GABRA5: variants seen among roughly 807,000 people sequenced by gnomAD.
GABRA5 encodes gamma-aminobutyric acid receptor subunit alpha-5.
GABRA5 carries 18 observed loss-of-function variants against 47.3 expected under a neutral mutation model. That is an observed-to-expected ratio of 0.38 (90% CI 0.26 to 0.56). The LOEUF is 0.56. Among genes scored for constraint, GABRA5 ranks in the 20% least tolerant of loss-of-function variants. The probability of loss-of-function intolerance (pLI) is 0.71; values close to 1 mark genes in which losing one functional copy is unlikely to be tolerated. For synonymous variants in GABRA5, 237 were observed against 229.3 expected, an observed-to-expected ratio of 1.03 and a Z score of -0.30; for missense variants, 365 against 599.3, an observed-to-expected ratio of 0.61 and a Z score of 4.08.
At chr15:26,872,426 C>T (rs1309691574) in intron 3 of GABRA5, among the ~76,000 whole-genome samples, 4 of 152,118 alleles carry the variant, frequency 2.6e-5, no homozygotes, top group Admixed American at 1.3e-4. Context: ...TTCTTGGGCT[C>T]CCTGACTTGA....
intron 8 of GABRA5, 149 bp downstream of exon 8, chr15:26,937,477 C>A: frequency 1.3e-6 from 1 of 799,814 alleles, no homozygotes; most frequent in Non-Finnish European, 1.9e-6. Context: ...GCTGTGCTCT[C>A]CATGGGCCAC....
chr15:26,934,513 A>G (rs1894189349), intron 7 of GABRA5, among the ~76,000 whole-genome samples: 1 of 152,148 alleles, frequency 6.6e-6, no homozygotes, highest in African/African-American at 2.4e-5. Flanking sequence ...ACCTTTTCGG[A>G]TTTGACACCA....
intron 6 of GABRA5, among the ~76,000 whole-genome samples, chr15:26,904,132 A>G (rs1414003286): frequency 6.6e-6 from 1 of 152,056 alleles, no homozygotes; most frequent in Non-Finnish European, 1.5e-5. Flanking sequence ...CATCTTTAAT[A>G]TACTTTTAAG....
chr15:26,893,155 CGTGTGTGGGGTGTGTATGTGGTGTGTGGT>C (rs1448969835), intron 6 of GABRA5, among the ~76,000 whole-genome samples: 1 of 91,484 alleles, frequency 1.1e-5, no homozygotes, highest in Admixed American at 1.1e-4. Flanking sequence ...TGGTGTGTGG[CGTGTGTGGGGTGTGTATGTGGTGTGTGGT>C]GTGTGTGTGT....
intron 6 of GABRA5, among the ~76,000 whole-genome samples, chr15:26,910,031 T>A (rs1046480229): frequency 6.6e-6 from 1 of 152,172 alleles, no homozygotes; most frequent in Non-Finnish European, 1.5e-5. Flanking sequence ...TTACCCTTTT[T>A]ATACTTATCA....
At chr15:26,919,377 G>T (rs1387909603) in intron 7 of GABRA5, among the ~76,000 whole-genome samples, 1 of 151,552 alleles carries the variant, frequency 6.6e-6, no homozygotes, top group East Asian at 1.9e-4. Flanking sequence ...GATATGCTTT[G>T]ATTCCTTTCT....
At chr15:26,874,780 A>T (rs201001754) in intron 3 of GABRA5, among the ~76,000 whole-genome samples, 1 of 58,484 alleles carries the variant, frequency 1.7e-5, no homozygotes, top group African/African-American at 8.3e-5. Context: ...ATTTTAAAAT[A>T]AAAAAAAGTC....
chr15:26,921,853 G>A (rs546267501), intron 7 of GABRA5, among the ~76,000 whole-genome samples: 21 of 152,004 alleles, frequency 1.4e-4, no homozygotes, highest in African/African-American at 4.3e-4. Context: ...TTTGACCCAC[G>A]TATTATTTAG....
At chr15:26,891,515 G>C (rs1264063226) in intron 6 of GABRA5, among the ~76,000 whole-genome samples, 1 of 152,166 alleles carries the variant, frequency 6.6e-6, no homozygotes, top group Non-Finnish European at 1.5e-5. Flanking sequence ...TCAGCCATGG[G>C]GACTGAAAAT....
chr15:26,919,959 A>AC (rs1489983577), intron 7 of GABRA5, among the ~76,000 whole-genome samples: 1 of 151,866 alleles, frequency 6.6e-6, no homozygotes, highest in Admixed American at 6.6e-5. Flanking sequence ...TTCTGATAAA[A>AC]AAAAATCCAT....
rs771296427 is a variant in GABRA5 at position 26,940,092 on chromosome 15, G to C, written c.877+15G>C. 2 of 1,603,812 alleles carry C rather than the reference G, an allele frequency of 1.2e-6. No homozygotes were observed. Among genetic ancestry groups the C allele is most frequent in the East Asian group, 4.5e-5 (2 of 44,552 alleles). On this transcript the variant is annotated intron_variant, in intron 9 of 10. Transcript: ENST00000335625. ...GACAGTTTTTGGTGAGTGTCCCCAA[G>C]CCAGGCCTGGACACTGGTGTTTTGT... is the stretch of plus-strand genomic sequence containing the variant.
intron 7 of GABRA5, among the ~76,000 whole-genome samples, chr15:26,919,563 A>T (rs1893795261): frequency 6.6e-6 from 1 of 152,100 alleles, no homozygotes; most frequent in Non-Finnish European, 1.5e-5. Flanking sequence ...ATTGTGCATC[A>T]TTAACATTTT....
intron 9 of GABRA5, among the ~76,000 whole-genome samples, chr15:26,941,736 G>C (rs1312292430): frequency 6.6e-6 from 1 of 152,112 alleles, no homozygotes; most frequent in Non-Finnish European, 1.5e-5. Flanking sequence ...TCTGTTCCTG[G>C]CCTGTCTCCT....
At chr15:26,892,348 C>T (rs1893027200) in intron 6 of GABRA5, among the ~76,000 whole-genome samples, 1 of 152,216 alleles carries the variant, frequency 6.6e-6, no homozygotes, top group African/African-American at 2.4e-5. Flanking sequence ...GCGGCGTCAC[C>T]CAGCCCCGGG....
intron 6 of GABRA5, among the ~76,000 whole-genome samples, chr15:26,911,685 T>C (rs61999575): frequency 0.47 from 71,643 of 151,850 alleles, 17,820 homozygotes; most frequent in Middle Eastern, 0.67. Flanking sequence ...AGTAGGTGCA[T>C]GCAACAGAAA....
chr15:26,923,427 C>T (rs182774778), intron 7 of GABRA5, among the ~76,000 whole-genome samples: 1 of 152,264 alleles, frequency 6.6e-6, no homozygotes, highest in Admixed American at 6.5e-5. Context: ...TCCTTCTTGC[C>T]TCCAGGTTTC....
At chr15:26,941,425 T>C (rs1273953293) in intron 9 of GABRA5, among the ~76,000 whole-genome samples, 1 of 152,016 alleles carries the variant, frequency 6.6e-6, no homozygotes. Context: ...AACACAGTGA[T>C]TAAGTGGATT....
intron 6 of GABRA5, among the ~76,000 whole-genome samples, chr15:26,904,468 A>G (rs1893396093): frequency 6.6e-6 from 1 of 152,088 alleles, no homozygotes. Context: ...TTCCATATGA[A>G]TTTTAAAAAT....
chr15:26,882,064 GCA>G (rs1408224897), intron 4 of GABRA5, among the ~76,000 whole-genome samples: 2 of 152,170 alleles, frequency 1.3e-5, no homozygotes, highest in African/African-American at 4.8e-5. Flanking sequence ...TGCCTTTTGG[GCA>G]CAGGCTCCTT....
Sources: allele counts gnomAD v4.1 joint callset (sites outside exome capture counted in the v4.1 genomes callset), GRCh38; gene constraint gnomAD v4.1.1; transcripts MANE v1.5; gene names NCBI Gene and HGNC (gene_info 2026-07-23, HGNC 2026-07-21).